The following AHI1 variants were observed in gnomAD, a reference collection of about 807,000 sequenced individuals.
AHI1 encodes jouberin.
AHI1 carries 123 observed loss-of-function variants against 149.3 expected under a neutral mutation model. That is an observed-to-expected ratio of 0.82 (90% CI 0.71 to 0.96). The LOEUF (loss-of-function observed/expected upper bound fraction) is 0.96, where lower values mean the gene tolerates loss of function less well. Ranked by LOEUF, AHI1 falls within the 40% of genes least tolerant of loss-of-function variation. AHI1 has a pLI of 0.00. For missense variants in AHI1, 1,439 were observed against 1,422.7 expected, an observed-to-expected ratio of 1.01 and a Z score of -0.18; for synonymous variants, 475 against 459.8, an observed-to-expected ratio of 1.03 and a Z score of -0.42.
At chr6:135,476,520 T>C (rs1226706339) in intron 5 of AHI1, among the ~76,000 whole-genome samples, 1 of 152,160 alleles carries the variant, frequency 6.6e-6, no homozygotes, top group African/African-American at 2.4e-5. Flanking sequence ...TACTGAAATC[T>C]ACATTCTTAT....
At chr6:135,311,551 A>G (rs1345531167) in intron 26 of AHI1, among the ~76,000 whole-genome samples, 1 of 152,166 alleles carries the variant, frequency 6.6e-6, no homozygotes, top group East Asian at 1.9e-4. Context: ...GTTATTTTTT[A>G]TAGTAGAACA....
chr6:135,489,404 C>G (rs548299579), intron 5 of AHI1, among the ~76,000 whole-genome samples: 13 of 152,248 alleles, frequency 8.5e-5, no homozygotes, highest in African/African-American at 2.9e-4. Flanking sequence ...CTCACAACTC[C>G]CAGTTCTTTA....
At chr6:135,296,153 C>T (rs898753674) in intron 27 of AHI1, among the ~76,000 whole-genome samples, 2 of 152,180 alleles carry the variant, frequency 1.3e-5, no homozygotes, top group African/African-American at 4.8e-5. Flanking sequence ...CCGCGCCTGG[C>T]CGCAATTTAT....
At chr6:135,327,268 C>G (rs192810739) in intron 24 of AHI1, among the ~76,000 whole-genome samples, 1 of 152,304 alleles carries the variant, frequency 6.6e-6, no homozygotes, top group Admixed American at 6.5e-5. Context: ...TGTAATGCCT[C>G]ACTTGTATCC....
chr6:135,489,692 C>T (rs1438151136), intron 5 of AHI1, among the ~76,000 whole-genome samples: 1 of 152,116 alleles, frequency 6.6e-6, no homozygotes, highest in African/African-American at 2.4e-5. Flanking sequence ...CAGTCGTACA[C>T]CAGTGTATAC....
In AHI1 at chr6:135,298,895, G is replaced by A. The variant is rs564386843; in HGVS notation, c.3485+1605C>T. Among the ~76,000 whole-genome samples, 15 of 152,100 alleles carry A rather than the reference G, an allele frequency of 9.9e-5. No individual in the cohort carries two copies. In the South Asian group the frequency reaches 1.0e-3, roughly 11 times the overall value. On this transcript the variant is annotated intron_variant, in intron 27 of 28. Coordinates refer to ENST00000265602, the MANE Select transcript of AHI1 (RefSeq NM_001134831.2). ...ATGTAGGAGACATTTTTTCATTTGC[G>A]TAATATTAAGTAAAAAGTTCTAAAA...
intron 23 of AHI1, among the ~76,000 whole-genome samples, chr6:135,360,391 A>G (rs1388478959): frequency 6.6e-6 from 1 of 152,192 alleles, no homozygotes; most frequent in Non-Finnish European, 1.5e-5. Flanking sequence ...GCCTCATCCA[A>G]TCAGATGAAG....
chr6:135,293,381 T>G, intron 27 of AHI1, among the ~76,000 whole-genome samples: 1 of 123,620 alleles, frequency 8.1e-6, no homozygotes, highest in Admixed American at 1.0e-4. Context: ...TTCTACCCAG[T>G]GTTAACAGGG....
intron 2 of AHI1, 125 bp downstream of exon 2, chr6:135,497,063 T>C (rs1242178450): frequency 6.6e-6 from 1 of 152,244 alleles, no homozygotes; most frequent in Non-Finnish European, 1.5e-5. Flanking sequence ...TTTACAGGAA[T>C]GCTAAACGCA....
At chr6:135,470,331 C>T (rs1283448764) in intron 5 of AHI1, among the ~76,000 whole-genome samples, 1 of 152,044 alleles carries the variant, frequency 6.6e-6, no homozygotes, top group East Asian at 1.9e-4. Context: ...GCTGGTGAAG[C>T]TATGGAGAAA....
chr6:135,376,839 A>G (rs1359468694), intron 23 of AHI1, among the ~76,000 whole-genome samples: 1 of 133,738 alleles, frequency 7.5e-6, no homozygotes, highest in Admixed American at 8.9e-5. Context: ...CTGAGATCGC[A>G]TCATTGCAAT....
intron 24 of AHI1, among the ~76,000 whole-genome samples, chr6:135,343,554 C>A (rs1028260844): frequency 2.0e-5 from 3 of 149,432 alleles, no homozygotes. Flanking sequence ...TGGATCAATG[C>A]AAAAAAATTC....
intron 3 of AHI1, chr6:135,492,904 A>T: frequency 1.0e-6 from 1 of 982,956 alleles, no homozygotes; most frequent in East Asian, 1.1e-4. Flanking sequence ...AAATCGGTGT[A>T]TGTCTAAAAT....
At chr6:135,292,375 T>C (rs1377847194) in intron 27 of AHI1, among the ~76,000 whole-genome samples, 2 of 152,218 alleles carry the variant, frequency 1.3e-5, no homozygotes, top group Non-Finnish European at 2.9e-5. Flanking sequence ...TCACAATCTA[T>C]ATACAATCTA....
At chr6:135,491,534 G>GGTTGTTCT (rs1232642111) in intron 4 of AHI1, among the ~76,000 whole-genome samples, 1 of 151,968 alleles carries the variant, frequency 6.6e-6, no homozygotes, top group Admixed American at 6.6e-5. Context: ...TCACATAGCA[G>GGTTGTTCT]GTTGTTCTCT....
At chr6:135,338,300 CAAAAA>C (rs199794648) in intron 24 of AHI1, among the ~76,000 whole-genome samples, 2 of 94,576 alleles carry the variant, frequency 2.1e-5, no homozygotes, top group Admixed American at 1.1e-4. Context: ...AACTCCATCT[CAAAAA>C]AAAAAAAAAA....
At chr6:135,295,587 A>G (rs1403517109) in intron 27 of AHI1, among the ~76,000 whole-genome samples, 2 of 152,250 alleles carry the variant, frequency 1.3e-5, no homozygotes, top group Non-Finnish European at 1.5e-5. Flanking sequence ...TATTTGTAGT[A>G]GCCGCAAAGT....
intron 21 of AHI1, among the ~76,000 whole-genome samples, chr6:135,410,906 G>A (rs369283695): frequency 6.6e-6 from 1 of 152,176 alleles, no homozygotes; most frequent in Non-Finnish European, 1.5e-5. Flanking sequence ...GCAGTGGCAG[G>A]ATCTCGCCTC....
intron 8 of AHI1, among the ~76,000 whole-genome samples, chr6:135,462,122 A>G (rs768483657): frequency 1.3e-5 from 2 of 152,050 alleles, no homozygotes; most frequent in African/African-American, 2.4e-5. Context: ...ATATATCTAT[A>G]TACACATTAT....
Sources: allele counts gnomAD v4.1 joint callset (sites outside exome capture counted in the v4.1 genomes callset), GRCh38; gene constraint gnomAD v4.1.1; transcripts MANE v1.5; gene names NCBI Gene and HGNC (gene_info 2026-07-23, HGNC 2026-07-21).